The following SNX6 variants were observed in gnomAD, a reference collection of about 807,000 sequenced individuals.
The protein encoded by SNX6 is sorting nexin 6.
SNX6 carries 34 observed loss-of-function variants against 63.0 expected under a neutral mutation model. The observed-to-expected ratio is 0.54, with a 90% CI of 0.41 to 0.72. SNX6 has a LOEUF of 0.72. Ranked by LOEUF, SNX6 falls within the 30% of genes least tolerant of loss-of-function variation. The probability of loss-of-function intolerance (pLI) is 0.00; values close to 1 mark genes in which losing one functional copy is unlikely to be tolerated. For synonymous variants in SNX6, 170 were observed against 164.2 expected (o/e 1.04, Z -0.27); for missense variants, 398 against 471.4 (o/e 0.84, Z 1.44).
chr14:34,624,179 C>A (rs1265869530), intron 2 of SNX6, among the ~76,000 whole-genome samples: 1 of 152,166 alleles, frequency 6.6e-6, no homozygotes, highest in East Asian at 1.9e-4. Context: ...CGGCTCACTG[C>A]AACCTCTGCC....
At chr14:34,563,263 A>C in intron 13 of SNX6, 88 bp from the exon 14 acceptor site, 1 of 1,334,056 alleles carries the variant, frequency 7.5e-7, no homozygotes. Context: ...AACGACATAA[A>C]ATATAGTGTT....
At position 34,609,752 on chromosome 14, in the gene SNX6, G is replaced by C. The variant is rs752528300; in HGVS notation, c.55-10C>G. ...CATTTATTGCTTTAAGCTAGAAAAA[G>C]AAAACCAGTATCTTCATGAAAATCA... On this transcript the variant is annotated splice_polypyrimidine_tract_variant and intron_variant, in intron 2 of 13. Coordinates refer to ENST00000362031, the MANE Select transcript of SNX6 (RefSeq NM_152233.4). 5.8e-6 allele frequency: 9 copies of C among 1,539,282 alleles called. No individual in the cohort carries two copies. In the African/African-American group the frequency reaches 1.2e-4, roughly 21 times the overall value.
At chr14:34,588,626 C>G (rs1882268948) in intron 8 of SNX6, among the ~76,000 whole-genome samples, 1 of 152,066 alleles carries the variant, frequency 6.6e-6, no homozygotes, top group South Asian at 2.1e-4. Context: ...TGTATAAGAT[C>G]TATACAATGA....
chr14:34,614,598 G>A (rs1883351336), intron 2 of SNX6, among the ~76,000 whole-genome samples: 1 of 152,144 alleles, frequency 6.6e-6, no homozygotes, highest in African/African-American at 2.4e-5. Context: ...CCTCTCAGCT[G>A]TTAATATGTT....
chr14:34,612,857 C>G (rs1250213427), intron 2 of SNX6, among the ~76,000 whole-genome samples: 2 of 151,838 alleles, frequency 1.3e-5, no homozygotes, highest in Admixed American at 6.6e-5. Context: ...CGAGACCAGC[C>G]TGACCAATGT....
intron 8 of SNX6, among the ~76,000 whole-genome samples, chr14:34,587,035 A>C (rs1882194272): frequency 7.8e-6 from 1 of 128,684 alleles, no homozygotes; most frequent in Non-Finnish European, 1.7e-5. Context: ...AAAAAAAAAC[A>C]ACTGGAAAAT....
At chr14:34,574,313 G>GT (rs1881589483) in intron 11 of SNX6, among the ~76,000 whole-genome samples, 1 of 148,190 alleles carries the variant, frequency 6.7e-6, no homozygotes, top group South Asian at 2.1e-4. Flanking sequence ...TCCAGCTTGG[G>GT]TAACAGAGCT....
intron 6 of SNX6, among the ~76,000 whole-genome samples, chr14:34,601,011 C>T (rs1277167143): frequency 6.8e-6 from 1 of 147,798 alleles, no homozygotes; most frequent in African/African-American, 2.5e-5. Flanking sequence ...GAGACTCTGC[C>T]TCAAAAAAAA....
intron 9 of SNX6, 99 bp downstream of exon 9, chr14:34,586,131 G>C: frequency 1.6e-6 from 1 of 607,900 alleles, no homozygotes; most frequent in Non-Finnish European, 2.9e-6. Flanking sequence ...TTGAACTCCT[G>C]ACCTCTTAAT....
chr14:34,619,467 G>T (rs149279910), intron 2 of SNX6, among the ~76,000 whole-genome samples: 66 of 151,938 alleles, frequency 4.3e-4, no homozygotes, highest in African/African-American at 1.5e-3. Context: ...GAGAGAGAGA[G>T]ATAGAATAAA....
At chr14:34,591,538 T>C (rs1882393356) in intron 8 of SNX6, among the ~76,000 whole-genome samples, 1 of 151,868 alleles carries the variant, frequency 6.6e-6, no homozygotes, top group Non-Finnish European at 1.5e-5. Flanking sequence ...TGGCAGAGGC[T>C]GCAGTGAGAC....
At chr14:34,583,642 G>T (rs562973470) in intron 9 of SNX6, among the ~76,000 whole-genome samples, 2 of 151,958 alleles carry the variant, frequency 1.3e-5, no homozygotes. Flanking sequence ...AACAAAAAAG[G>T]GCACAGGTTC....
At chr14:34,582,419 C>T (rs1881978509) in intron 9 of SNX6, among the ~76,000 whole-genome samples, 1 of 151,980 alleles carries the variant, frequency 6.6e-6, no homozygotes, top group Non-Finnish European at 1.5e-5. Context: ...TGAGCCCAGG[C>T]TCGTCTTGGA....
At chr14:34,624,062 T>G (rs771961168) in intron 2 of SNX6, among the ~76,000 whole-genome samples, 10 of 152,152 alleles carry the variant, frequency 6.6e-5, no homozygotes, top group Non-Finnish European at 1.5e-5. Context: ...TTCAACACTA[T>G]GTATTCTTGA....
chr14:34,595,278 C>T (rs1004942348), intron 7 of SNX6, among the ~76,000 whole-genome samples: 2 of 152,126 alleles, frequency 1.3e-5, no homozygotes, highest in African/African-American at 2.4e-5. Flanking sequence ...GCTGGGATTA[C>T]AGCCACGTGC....
intron 5 of SNX6, among the ~76,000 whole-genome samples, chr14:34,604,569 T>TA (rs1441323061): frequency 6.6e-6 from 1 of 152,122 alleles, no homozygotes; most frequent in Non-Finnish European, 1.5e-5. Context: ...ACAGAGGTGA[T>TA]AACTAAGGAA....
chr14:34,623,989 T>C (rs1883727027), intron 2 of SNX6, among the ~76,000 whole-genome samples: 1 of 152,222 alleles, frequency 6.6e-6, no homozygotes, highest in Non-Finnish European at 1.5e-5. Context: ...GTCCTTTATT[T>C]GGGGGAGGAA....
intron 2 of SNX6, among the ~76,000 whole-genome samples, chr14:34,614,058 G>A (rs1000319459): frequency 2.0e-5 from 3 of 151,878 alleles, no homozygotes; most frequent in African/African-American, 7.3e-5. Flanking sequence ...AGTGAGGTGA[G>A]ATGGTGCCAC....
intron 7 of SNX6, among the ~76,000 whole-genome samples, chr14:34,596,110 C>A (rs1882586161): frequency 6.6e-6 from 1 of 151,794 alleles, no homozygotes; most frequent in Non-Finnish European, 1.5e-5. Context: ...GTCCCAGCTA[C>A]TCCGGAGGCT....
Sources: gnomAD v4.1 joint callset for allele counts (sites outside exome capture counted in the v4.1 genomes callset) on GRCh38, gnomAD v4.1.1 for gene constraint, MANE v1.5 for transcripts, NCBI Gene and HGNC (gene_info 2026-07-23, HGNC 2026-07-21) for gene names.